The following LUZP2 variants were observed in gnomAD, a reference collection of about 807,000 sequenced individuals.
LUZP2 encodes leucine zipper protein 2.
LUZP2 carries 52 observed loss-of-function variants against 51.6 expected under a neutral mutation model. The ratio of observed to expected loss-of-function variants is 1.01; its 90% CI spans 0.81 to 1.27. LUZP2 has a LOEUF of 1.27. Among genes scored for constraint, LUZP2 ranks in the 50% most tolerant of loss-of-function variants. The pLI is 0.00. For synonymous variants in LUZP2, 154 were observed against 137.3 expected (o/e 1.12, Z -0.85); for missense variants, 436 against 395.4 (o/e 1.10, Z -0.87).
chr11:24,561,680 C>G (rs755371011), intron 1 of LUZP2, among the ~76,000 whole-genome samples: 2 of 151,750 alleles, frequency 1.3e-5, no homozygotes, highest in African/African-American at 4.8e-5. Context: ...CGGAGGGTGG[C>G]GGGATAGGAG....
At chr11:24,659,994 G>A (rs1263661349) in intron 1 of LUZP2, among the ~76,000 whole-genome samples, 2 of 152,064 alleles carry the variant, frequency 1.3e-5, no homozygotes, top group African/African-American at 2.4e-5. Context: ...TTGGAGTAAC[G>A]AAAAAGATCC....
chr11:24,504,949 C>A (rs562557708), intron 1 of LUZP2, among the ~76,000 whole-genome samples: 2 of 151,998 alleles, frequency 1.3e-5, no homozygotes, highest in Non-Finnish European at 2.9e-5. Flanking sequence ...TAATTCTCAC[C>A]GATAATTTAA....
intron 1 of LUZP2, among the ~76,000 whole-genome samples, chr11:24,617,699 T>A (rs2133899327): frequency 6.6e-6 from 1 of 152,144 alleles, no homozygotes; most frequent in Non-Finnish European, 1.5e-5. Context: ...AGGGCACCTG[T>A]AGTCCCAGCT....
At chr11:24,817,437 T>C (rs991100885) in intron 5 of LUZP2, among the ~76,000 whole-genome samples, 4 of 152,072 alleles carry the variant, frequency 2.6e-5, no homozygotes, top group African/African-American at 9.6e-5. Flanking sequence ...ATCCCTAATT[T>C]ACAAATGAGG....
intron 1 of LUZP2, 58 bp downstream of exon 1, chr11:24,497,363 C>A: frequency 1.5e-6 from 2 of 1,358,030 alleles, no homozygotes; most frequent in South Asian, 3.2e-5. Flanking sequence ...CGAGGTTGGT[C>A]CTACTGTGGG....
chr11:24,565,246 C>T (rs7948439), intron 1 of LUZP2, among the ~76,000 whole-genome samples: 6 of 151,822 alleles, frequency 4.0e-5, no homozygotes, highest in Non-Finnish European at 7.4e-5. Flanking sequence ...TATACTGGCC[C>T]CCAGAAAAGC....
chr11:24,907,299 C>CAAAAAAAA (rs71044324), intron 6 of LUZP2, among the ~76,000 whole-genome samples: 1 of 103,790 alleles, frequency 9.6e-6, no homozygotes, highest in African/African-American at 4.3e-5. Context: ...AACACAAATA[C>CAAAAAAAA]AAAAAAAAAA....
In LUZP2 at chr11:24,972,139, G is replaced by GAAAAAAAAAAAAAAAAAAAA. The variant is rs10701148; in HGVS notation, c.523-4448_523-4429dup. Among the ~76,000 whole-genome samples, 2 of 32,794 alleles carry GAAAAAAAAAAAAAAAAAAAA rather than the reference G, an allele frequency of 6.1e-5. 1 individual carries two copies. Among genetic ancestry groups the GAAAAAAAAAAAAAAAAAAAA allele is most frequent in the Non-Finnish European group, 1.0e-4 (2 of 19,820 alleles). 21.5% of individuals were successfully genotyped at this position (32,794 alleles called of 152,430 possible). A position where few individuals can be genotyped will look rare whatever the true frequency, so the allele number is the denominator to read the frequency against. On this transcript the variant is annotated intron_variant, in intron 7 of 11. Coordinates refer to ENST00000336930, the MANE Select transcript of LUZP2 (RefSeq NM_001009909.4). Reference sequence around the variant, plus strand: ...CTGGGTGACAGCGGAGTGAGACTCCGAAAAAAAAAAAAAAAAAAAAAAACA... The same window carrying GAAAAAAAAAAAAAAAAAAAA: ...CTGGGTGACAGCGGAGTGAGACTCCGAAAAAAAAAAAAAAAAAAAAAAAAAAAAAAAAAAAAAAAAAAACA...
intron 9 of LUZP2, among the ~76,000 whole-genome samples, chr11:25,048,873 T>C (rs930833872): frequency 2.0e-5 from 3 of 151,860 alleles, no homozygotes; most frequent in African/African-American, 7.2e-5. Context: ...AGCCCAGCAT[T>C]TGGGTGACTT....
chr11:24,969,119 A>G (rs1353957167), intron 7 of LUZP2, among the ~76,000 whole-genome samples: 1 of 152,000 alleles, frequency 6.6e-6, no homozygotes, highest in African/African-American at 2.4e-5. Context: ...TAATCCCAGT[A>G]CCCAATAGTT....
chr11:24,977,322 A>G (rs1855907535), intron 8 of LUZP2, among the ~76,000 whole-genome samples: 1 of 151,808 alleles, frequency 6.6e-6, no homozygotes, highest in Non-Finnish European at 1.5e-5. Flanking sequence ...GAAAAGCAGA[A>G]TTATATGTAT....
At chr11:24,998,960 C>T (rs1270658275) in intron 9 of LUZP2, among the ~76,000 whole-genome samples, 1 of 152,036 alleles carries the variant, frequency 6.6e-6, no homozygotes, top group Non-Finnish European at 1.5e-5. Context: ...AATTTGCTGT[C>T]TGTTAGAAGT....
rs541948198 is a variant in LUZP2, at chr11:24,577,376, C to T, written c.62+80071C>T. Among the ~76,000 whole-genome samples, 8 of 152,098 alleles carry T rather than the reference C, an allele frequency of 5.3e-5. No homozygotes were observed. In the South Asian group the frequency reaches 1.7e-3, roughly 32 times the overall value. On this transcript the variant is annotated intron_variant, in intron 1 of 11. Coordinates refer to ENST00000336930, the MANE Select transcript of LUZP2 (RefSeq NM_001009909.4). ...TTGGGGTTTTTCAAGGCTGCGGAAT[C>T]AGACCAATTTCTAGAAAAAACAGTC... is the stretch of plus-strand genomic sequence containing the variant.
At chr11:24,880,979 C>T (rs1346355605) in intron 5 of LUZP2, among the ~76,000 whole-genome samples, 1 of 152,078 alleles carries the variant, frequency 6.6e-6, no homozygotes, top group Non-Finnish European at 1.5e-5. Context: ...TGCACACATG[C>T]AATTTTGGGA....
chr11:24,866,528 CT>C (rs35971787), intron 5 of LUZP2, among the ~76,000 whole-genome samples: 85 of 150,938 alleles, frequency 5.6e-4, no homozygotes, highest in African/African-American at 1.7e-3. Flanking sequence ...TAAAACAACA[CT>C]TTTTTTTTGT....
chr11:24,958,853 A>G (rs188392688), intron 7 of LUZP2, among the ~76,000 whole-genome samples: 1 of 151,926 alleles, frequency 6.6e-6, no homozygotes. Context: ...AATGGTAATG[A>G]CTTGGTTTTC....
intron 1 of LUZP2, among the ~76,000 whole-genome samples, chr11:24,500,799 G>A (rs937240925): frequency 6.6e-6 from 1 of 152,086 alleles, no homozygotes; most frequent in African/African-American, 2.4e-5. Context: ...CCCAACAGGA[G>A]TCACCTTAGA....
chr11:24,665,387 G>A (rs1856179972), intron 1 of LUZP2, among the ~76,000 whole-genome samples: 1 of 152,120 alleles, frequency 6.6e-6, no homozygotes, highest in Admixed American at 6.5e-5. Context: ...CAAAACTTTG[G>A]ACTTGGACTT....
At chr11:24,598,986 A>G (rs1853535448) in intron 1 of LUZP2, among the ~76,000 whole-genome samples, 1 of 152,160 alleles carries the variant, frequency 6.6e-6, no homozygotes, top group Non-Finnish European at 1.5e-5. Flanking sequence ...TCTCTAAACC[A>G]TTCAGTACAT....
Sources: allele counts gnomAD v4.1 joint callset (sites outside exome capture counted in the v4.1 genomes callset), GRCh38; gene constraint gnomAD v4.1.1; transcripts MANE v1.5; gene names NCBI Gene and HGNC (gene_info 2026-07-23, HGNC 2026-07-21).